Variants in CACNA2D1 observed in about 807,000 individuals in gnomAD.
The protein encoded by CACNA2D1 is voltage-dependent calcium channel subunit alpha-2/delta-1.
In CACNA2D1, 53 loss-of-function variants were observed where a neutral mutation model predicts 171.5. That is an observed-to-expected ratio of 0.31 (90% confidence interval 0.25 to 0.39). CACNA2D1 has a LOEUF of 0.39. Among genes scored for constraint, CACNA2D1 ranks in the 10% least tolerant of loss-of-function variants. The pLI, the probability that CACNA2D1 is intolerant of heterozygous loss-of-function variation, is 1.00. For synonymous variants in CACNA2D1, 442 were observed against 443.1 expected, an observed-to-expected ratio of 1.00 and a Z score of 0.03; for missense variants, 903 against 1,299.8, an observed-to-expected ratio of 0.69 and a Z score of 4.69.
intron 4 of CACNA2D1, among the ~76,000 whole-genome samples, chr7:82,140,405 A>G (rs1179300541): frequency 1.3e-5 from 2 of 152,084 alleles, no homozygotes; most frequent in East Asian, 3.9e-4. Context: ...CAAACCCCAA[A>G]TTTTCATTCA....
At chr7:82,272,773 T>G (rs1808806749) in intron 3 of CACNA2D1, among the ~76,000 whole-genome samples, 1 of 152,154 alleles carries the variant, frequency 6.6e-6, no homozygotes, top group Admixed American at 6.5e-5. Context: ...CTATTATAAA[T>G]AACATTGTTT....
At chr7:82,012,274 G>T (rs1310774758) in intron 14 of CACNA2D1, 31 bp from the exon 15 acceptor site, 1 of 1,085,678 alleles carries the variant, frequency 9.2e-7, no homozygotes, top group Non-Finnish European at 1.4e-6. Flanking sequence ...AAAAGTCGTG[G>T]TTAAAACTAG....
chr7:81,991,748 G>A (rs530188861), intron 20 of CACNA2D1, among the ~76,000 whole-genome samples: 1 of 152,144 alleles, frequency 6.6e-6, no homozygotes, highest in South Asian at 2.1e-4. Context: ...ACCCACCAGG[G>A]AAAGAAAATA....
At chr7:82,030,719 GCA>G (rs1409996078) in intron 12 of CACNA2D1, among the ~76,000 whole-genome samples, 1 of 151,806 alleles carries the variant, frequency 6.6e-6, no homozygotes, top group East Asian at 1.9e-4. Flanking sequence ...GTAGTGGCTT[GCA>G]CTTATATACT....
chr7:82,278,505 C>G (rs1316552675), intron 3 of CACNA2D1, among the ~76,000 whole-genome samples: 1 of 144,030 alleles, frequency 6.9e-6, no homozygotes, highest in Non-Finnish European at 1.5e-5. Flanking sequence ...TTGCAGTCAG[C>G]CAAGATCATA....
chr7:82,131,045 G>GCC (rs1183093181), intron 5 of CACNA2D1, among the ~76,000 whole-genome samples: 1 of 151,884 alleles, frequency 6.6e-6, no homozygotes, highest in African/African-American at 2.4e-5. Context: ...CTCGTGATCT[G>GCC]CCTGCCTCAG....
At chr7:82,192,174 C>A (rs557265641) in intron 3 of CACNA2D1, among the ~76,000 whole-genome samples, 3 of 150,560 alleles carry the variant, frequency 2.0e-5, no homozygotes, top group African/African-American at 4.9e-5. Flanking sequence ...AAAAAAAAAA[C>A]CTAAATAGAA....
chr7:82,107,310 A>G (rs1787878174), intron 6 of CACNA2D1, among the ~76,000 whole-genome samples: 1 of 152,136 alleles, frequency 6.6e-6, no homozygotes, highest in Admixed American at 6.5e-5. Context: ...CAAAGGAACC[A>G]GAAAAAAACA....
rs1432739481 is a variant in CACNA2D1 at position 82,093,351 on chromosome 7, TTC to T, written c.527-8453_527-8452del. Among the ~76,000 whole-genome samples, 5 of 152,330 alleles carry T rather than the reference TTC, an allele frequency of 3.3e-5. No individual in the cohort carries two copies. The South Asian group carries it at 1.0e-3, about 32-fold the overall frequency. On this transcript the variant is annotated intron_variant, in intron 6 of 38. Transcript: ENST00000356860. ...GCTCTCATCATTAATCATCATTATTTTCTCTGTCTCCTAATACTCAGCATTTA... is the reference window on the plus strand; with the variant it reads ...GCTCTCATCATTAATCATCATTATTTTCTGTCTCCTAATACTCAGCATTTA...
At chr7:82,141,682 G>C (rs1374157785) in intron 4 of CACNA2D1, among the ~76,000 whole-genome samples, 1 of 152,166 alleles carries the variant, frequency 6.6e-6, no homozygotes, top group East Asian at 1.9e-4. Flanking sequence ...TCGTATATAT[G>C]AAAAATATCT....
At chr7:82,210,209 C>T (rs75440156) in intron 3 of CACNA2D1, among the ~76,000 whole-genome samples, 1 of 152,140 alleles carries the variant, frequency 6.6e-6, no homozygotes, top group East Asian at 1.9e-4. Context: ...AAGATTAGTT[C>T]AAAACAGTTC....
intron 10 of CACNA2D1, among the ~76,000 whole-genome samples, chr7:82,047,186 C>G (rs996106687): frequency 1.8e-4 from 27 of 152,102 alleles, no homozygotes; most frequent in Admixed American, 7.2e-4. Context: ...CCATCATTCT[C>G]CAGGTACAAT....
chr7:82,146,409 T>C (rs1007525640), intron 4 of CACNA2D1, among the ~76,000 whole-genome samples: 1 of 144,848 alleles, frequency 6.9e-6, no homozygotes, highest in Admixed American at 6.9e-5. Context: ...GATATATATT[T>C]ATATATATCT....
intron 3 of CACNA2D1, among the ~76,000 whole-genome samples, chr7:82,280,794 A>G (rs567882964): frequency 6.6e-6 from 1 of 152,104 alleles, no homozygotes; most frequent in East Asian, 1.9e-4. Flanking sequence ...TGATCCTCCC[A>G]CCTCAGCCTC....
In CACNA2D1 at chr7:82,135,330, G is replaced by A. The variant is rs571452938; in HGVS notation, c.396+1305C>T. ...TGAAACTAAACATCTCTTCAAAAAT[G>A]GTACTTATTTTGATATCAATAAACC... is the stretch of plus-strand genomic sequence containing the variant. On this transcript the variant is annotated intron_variant, in intron 5 of 38. Coordinates refer to ENST00000356860, the MANE Select transcript of CACNA2D1 (RefSeq NM_000722.4). Among the ~76,000 whole-genome samples, 68 of 151,902 alleles carry A rather than the reference G, an allele frequency of 4.5e-4. No homozygotes were observed. In the South Asian group the frequency reaches 0.013, roughly 30 times the overall value.
intron 3 of CACNA2D1, among the ~76,000 whole-genome samples, chr7:82,230,335 ACTTTTGTATGTT>A (rs1434374357): frequency 6.6e-6 from 1 of 152,116 alleles, no homozygotes; most frequent in East Asian, 1.9e-4. Flanking sequence ...TTTTGTCCTT[ACTTTTGTATGTT>A]TTCCTTGCAA....
intron 12 of CACNA2D1, among the ~76,000 whole-genome samples, chr7:82,018,269 T>C (rs541384070): frequency 6.6e-6 from 1 of 152,186 alleles, no homozygotes; most frequent in Non-Finnish European, 1.5e-5. Flanking sequence ...TTAGCTTCTA[T>C]TGTAGTGTCT....
intron 4 of CACNA2D1, among the ~76,000 whole-genome samples, chr7:82,138,886 T>C (rs2158762): frequency 0.26 from 40,189 of 152,002 alleles, 5,917 homozygotes; most frequent in East Asian, 0.36. Context: ...TAGGAGACGA[T>C]TTTCAATTTA....
rs142213309 is a variant in CACNA2D1 at position 82,110,358 on chromosome 7, G to T, written c.526+6686C>A. Among the ~76,000 whole-genome samples, 326 of 152,194 alleles carry T rather than the reference G, an allele frequency of 2.1e-3. 4 individuals carry two copies. Among genetic ancestry groups the T allele is most frequent in the South Asian group, 0.019 (91 of 4,816 alleles). On this transcript the variant is annotated intron_variant, in intron 6 of 38. Coordinates refer to ENST00000356860, the MANE Select transcript of CACNA2D1 (RefSeq NM_000722.4). ...GGCCTCATGAGAAAAGAGCTTGCTC[G>T]CTCTCTCTGCTAGTGCAGAAGAGGT... is the stretch of plus-strand genomic sequence containing the variant.
Sources: allele counts gnomAD v4.1 joint callset (sites outside exome capture counted in the v4.1 genomes callset), GRCh38; gene constraint gnomAD v4.1.1; transcripts MANE v1.5; gene names NCBI Gene and HGNC (gene_info 2026-07-23, HGNC 2026-07-21).